The following INPP5D variants were observed in gnomAD, a reference collection of about 807,000 sequenced individuals.
INPP5D encodes the protein phosphatidylinositol 3,4,5-trisphosphate 5-phosphatase 1.
A neutral mutation model predicts 122.9 loss-of-function variants in INPP5D; 33 were observed. The ratio of observed to expected loss-of-function variants is 0.27; its 90% CI spans 0.20 to 0.36. The LOEUF (loss-of-function observed/expected upper bound fraction) is 0.36. Ranked by LOEUF, INPP5D falls within the 10% of genes least tolerant of loss-of-function variation. The pLI, the probability that INPP5D is intolerant of heterozygous loss-of-function variation, is 1.00. For missense variants in INPP5D, 1,053 were observed against 1,412.7 expected (o/e 0.75, Z 4.08); for synonymous variants, 584 against 576.2 (o/e 1.01, Z -0.19).
chr2:233,146,298 A>C (rs534617490), intron 7 of INPP5D, 56 bp downstream of exon 7: 1 of 704,196 alleles, frequency 1.4e-6, no homozygotes, highest in African/African-American at 1.7e-5. Flanking sequence ...CCCTCTTTGC[A>C]TGGAGAATGC....
intron 8 of INPP5D, 65 bp from the exon 9 acceptor site, chr2:233,147,406 G>A (rs1693793777): frequency 1.4e-6 from 1 of 696,274 alleles, no homozygotes; most frequent in South Asian, 1.5e-5. Context: ...AGGGGTTCGG[G>A]CGGGGGAAGC....
At chr2:233,195,305 G>T in intron 23 of INPP5D, 94 bp from the exon 24 acceptor site, 2 of 1,589,094 alleles carry the variant, frequency 1.3e-6, no homozygotes, top group Non-Finnish European at 8.6e-7. Flanking sequence ...TCACTGTGCA[G>T]CTTCAGCCTG....
chr2:233,201,104 G>A (rs1475829442), intron 25 of INPP5D, among the ~76,000 whole-genome samples: 1 of 152,160 alleles, frequency 6.6e-6, no homozygotes, highest in Non-Finnish European at 1.5e-5. Context: ...TCTGTACAGA[G>A]TTTGTTGATA....
intron 2 of INPP5D, among the ~76,000 whole-genome samples, chr2:233,097,798 G>T (rs904368072): frequency 6.6e-6 from 1 of 152,126 alleles, no homozygotes; most frequent in Non-Finnish European, 1.5e-5. Context: ...CTCATTTAGG[G>T]ACAGGGGAGT....
Position 233,204,991 on chromosome 2 carries a change from G to C in INPP5D, c.3567+274G>C, listed in dbSNP as rs193130488. On this transcript the variant is annotated intron_variant, in intron 26 of 26. Transcript: ENST00000445964. ...AGCAGTTGTTAAAAGGAAGAAAGGC[G>C]GGGCTGTGGATAAACTTAGTCTAGT... 349 of 448,144 alleles carry C rather than the reference G, an allele frequency of 7.8e-4. 1 individual carries two copies. The highest frequency in any genetic ancestry group is 6.6e-3 in the African/African-American group (320 of 48,784). The allele number at this position is 448,144 out of a possible 1,614,324, so 27.8% of individuals were successfully genotyped here. A position where few individuals can be genotyped will look rare whatever the true frequency, so the allele number is the denominator to read the frequency against.
At chr2:233,113,226 G>C (rs1311039680) in intron 2 of INPP5D, among the ~76,000 whole-genome samples, 1 of 152,102 alleles carries the variant, frequency 6.6e-6, no homozygotes, top group African/African-American at 2.4e-5. Context: ...TGGCTGTGCA[G>C]ACTTCTAAGG....
rs370391711 is a variant in INPP5D at position 233,173,925 on chromosome 2, CAAAAAA to C, written c.1989+2779_1989+2784del. 2.8e-5 allele frequency among the ~76,000 whole-genome samples: 4 copies of C among 144,088 alleles called. 1 individual carries two copies. The highest frequency in any genetic ancestry group is 1.4e-4 in the Admixed American group (2 of 14,488). 94.5% of individuals were successfully genotyped at this position (144,088 alleles called of 152,430 possible). On this transcript the variant is annotated intron_variant, in intron 17 of 26. Transcript: ENST00000445964. The stretch of plus-strand genomic sequence containing the variant: ...TCCTGCCTGGAGCAAGGCTCCGTCT[CAAAAAA>C]AAAAACAAAAACAAAAACCATAAAT...
At chr2:233,191,453 A>G (rs1224666560) in intron 22 of INPP5D, among the ~76,000 whole-genome samples, 2 of 152,210 alleles carry the variant, frequency 1.3e-5, no homozygotes, top group African/African-American at 2.4e-5. Flanking sequence ...GAGCGGCTGC[A>G]TGAATGATGC....
intron 9 of INPP5D, among the ~76,000 whole-genome samples, chr2:233,148,764 A>G (rs1693842414): frequency 6.6e-6 from 1 of 151,844 alleles, no homozygotes; most frequent in South Asian, 2.1e-4. Flanking sequence ...CTTGCCTCAG[A>G]TAAATCCCAA....
At chr2:233,203,048 A>G (rs1559350260) in intron 25 of INPP5D, among the ~76,000 whole-genome samples, 1 of 152,176 alleles carries the variant, frequency 6.6e-6, no homozygotes, top group Non-Finnish European at 1.5e-5. Flanking sequence ...CACTGTGTTA[A>G]CCGGGATGTC....
At chr2:233,166,578 C>G (rs1439795503) in intron 13 of INPP5D, among the ~76,000 whole-genome samples, 1 of 152,134 alleles carries the variant, frequency 6.6e-6, no homozygotes, top group African/African-American at 2.4e-5. Context: ...GGCTGTGCAG[C>G]TCACACACAC....
chr2:233,072,672 T>C (rs986100996), intron 1 of INPP5D, among the ~76,000 whole-genome samples: 5 of 152,376 alleles, frequency 3.3e-5, no homozygotes, highest in Middle Eastern at 3.4e-3. Flanking sequence ...TTCTATTTCC[T>C]CCCATGTCAC....
intron 11 of INPP5D, among the ~76,000 whole-genome samples, chr2:233,162,840 G>T (rs1417245820): frequency 1.3e-5 from 2 of 152,136 alleles, no homozygotes; most frequent in Non-Finnish European, 2.9e-5. Flanking sequence ...TGTCCCCTTC[G>T]GTCCCTTTCA....
chr2:233,134,982 G>A (rs1010718072), intron 5 of INPP5D, among the ~76,000 whole-genome samples: 1 of 152,070 alleles, frequency 6.6e-6, no homozygotes, highest in Non-Finnish European at 1.5e-5. Context: ...GAGGAAATGT[G>A]TGGTAAAAAT....
At chr2:233,186,244 T>C (rs1358009302) in intron 21 of INPP5D, among the ~76,000 whole-genome samples, 1 of 152,184 alleles carries the variant, frequency 6.6e-6, no homozygotes, top group Non-Finnish European at 1.5e-5. Context: ...CAAGCGCTGT[T>C]TGCTCATGGC....
chr2:233,165,511 T>C (rs1694308540), intron 13 of INPP5D, among the ~76,000 whole-genome samples: 1 of 151,600 alleles, frequency 6.6e-6, no homozygotes, highest in Non-Finnish European at 1.5e-5. Flanking sequence ...TGTATGTGAG[T>C]CCGTGTGTGT....
intron 6 of INPP5D, among the ~76,000 whole-genome samples, chr2:233,143,283 C>T (rs1693667512): frequency 6.6e-6 from 1 of 152,140 alleles, no homozygotes. Context: ...TCAGTAACTT[C>T]ATTTATGTTC....
intron 22 of INPP5D, among the ~76,000 whole-genome samples, chr2:233,192,942 C>T (rs1055529388): frequency 1.1e-4 from 17 of 152,224 alleles, no homozygotes; most frequent in African/African-American, 3.9e-4. Flanking sequence ...GGCCAGAGTG[C>T]AGTGGCACGA....
At chr2:233,115,761 C>T (rs1401778995) in intron 2 of INPP5D, among the ~76,000 whole-genome samples, 3 of 152,120 alleles carry the variant, frequency 2.0e-5, no homozygotes, top group Non-Finnish European at 4.4e-5. Flanking sequence ...AATGCACATG[C>T]CCCTCAACAC....
Sources: allele counts gnomAD v4.1 joint callset (sites outside exome capture counted in the v4.1 genomes callset), GRCh38; gene constraint gnomAD v4.1.1; transcripts MANE v1.5; gene names NCBI Gene and HGNC (gene_info 2026-07-23, HGNC 2026-07-21).